Variants in PPFIA2 observed in about 807,000 individuals in gnomAD.
PPFIA2 encodes the protein liprin-alpha-2.
In PPFIA2, 46 loss-of-function variants were observed where a neutral mutation model predicts 175.5. The ratio of observed to expected loss-of-function variants is 0.26; its 90% confidence interval spans 0.21 to 0.34. The LOEUF (loss-of-function observed/expected upper bound fraction) is 0.34. PPFIA2 is among the 10% of genes least tolerant of loss of function. The probability of loss-of-function intolerance (pLI) is 1.00; values close to 1 mark genes in which losing one functional copy is unlikely to be tolerated. For synonymous variants in PPFIA2, 568 were observed against 511.4 expected (o/e 1.11, Z -1.49); for missense variants, 1,179 against 1,506.1 (o/e 0.78, Z 3.60).
intron 5 of PPFIA2, among the ~76,000 whole-genome samples, chr12:81,451,649 A>G (rs1287095556): frequency 6.6e-6 from 1 of 152,222 alleles, no homozygotes; most frequent in Non-Finnish European, 1.5e-5. Flanking sequence ...ATATGTTTTT[A>G]TTAATATAAA....
At chr12:81,579,020 G>T (rs1027128262) in intron 4 of PPFIA2, among the ~76,000 whole-genome samples, 2 of 151,664 alleles carry the variant, frequency 1.3e-5, no homozygotes, top group Non-Finnish European at 3.0e-5. Flanking sequence ...GAATAAGATT[G>T]CCAATTTTCT....
At chr12:81,448,840 C>T (rs1004210605) in intron 5 of PPFIA2, among the ~76,000 whole-genome samples, 9 of 152,166 alleles carry the variant, frequency 5.9e-5, no homozygotes, top group Non-Finnish European at 1.2e-4. Flanking sequence ...TGGTTACCTA[C>T]AACATTGGAT....
chr12:81,433,440 G>A (rs965084526), intron 7 of PPFIA2, among the ~76,000 whole-genome samples: 3 of 152,098 alleles, frequency 2.0e-5, no homozygotes, highest in Admixed American at 6.6e-5. Context: ...TTAGTTATAC[G>A]TGTATACGTC....
chr12:81,398,190 A>G (rs1408405226), intron 8 of PPFIA2, among the ~76,000 whole-genome samples: 1 of 152,086 alleles, frequency 6.6e-6, no homozygotes, highest in African/African-American at 2.4e-5. Context: ...TTTGGGGACC[A>G]TTGGAGTAGA....
At chr12:81,443,491 A>G (rs2050612674) in intron 6 of PPFIA2, among the ~76,000 whole-genome samples, 1 of 151,014 alleles carries the variant, frequency 6.6e-6, no homozygotes, top group Non-Finnish European at 1.5e-5. Context: ...CTGAACTTCT[A>G]TAAAGTAAAT....
At chr12:81,495,306 T>A (rs1159242325) in intron 4 of PPFIA2, among the ~76,000 whole-genome samples, 1 of 152,108 alleles carries the variant, frequency 6.6e-6, no homozygotes, top group Non-Finnish European at 1.5e-5. Context: ...AATTGAATCA[T>A]AACATTTTTG....
intron 24 of PPFIA2, among the ~76,000 whole-genome samples, chr12:81,291,902 T>A (rs148174523): frequency 1.3e-5 from 2 of 152,222 alleles, no homozygotes; most frequent in African/African-American, 2.4e-5. Flanking sequence ...CTGAAAGTAG[T>A]TCCTGACCTG....
intron 32 of PPFIA2, 90 bp from the exon 33 acceptor site, chr12:81,259,750 C>G: frequency 9.5e-7 from 1 of 1,047,650 alleles, no homozygotes; most frequent in East Asian, 2.6e-5. Context: ...CTCCACGCAG[C>G]CTGCTTACTC....
intron 3 of PPFIA2, among the ~76,000 whole-genome samples, chr12:81,700,301 T>C (rs1335799114): frequency 6.6e-6 from 1 of 152,078 alleles, no homozygotes; most frequent in African/African-American, 2.4e-5. Context: ...ATAAAATATG[T>C]AAATGAAAAT....
rs1284435893 is a variant in PPFIA2 at position 81,656,563 on chromosome 12, A to T, written c.303+20228T>A. The stretch of plus-strand genomic sequence containing the variant: ...AAGGAGTTGTCAATAGAAGAAAAAT[A>T]GTCATTCATGTAGATTAGCCATTGT... On this transcript the variant is annotated intron_variant, in intron 4 of 32. Transcript: ENST00000549396. Among the ~76,000 whole-genome samples, 3 of 152,256 alleles carry T rather than the reference A, an allele frequency of 2.0e-5. No individual in the cohort carries two copies. The East Asian group carries it at 5.8e-4, about 29-fold the overall frequency.
In PPFIA2 at chr12:81,274,761, C is replaced by G. The variant is rs117368594; in HGVS notation, c.3310+2556G>C. On this transcript the variant is annotated intron_variant, in intron 28 of 32. Transcript: ENST00000549396. ...TTCACACTTCAGATAATAAGAGACC[C>G]CTAGTCACTGTTGAGAATTATTCCT... is the stretch of plus-strand genomic sequence containing the variant. Among the ~76,000 whole-genome samples the G allele has an allele frequency of 3.2e-3, 487 of 152,234 alleles. 3 individuals carry two copies. The highest frequency in any genetic ancestry group is 5.7e-3 in the Non-Finnish European group (387 of 68,018).
chr12:81,601,891 T>C (rs1567529393), intron 4 of PPFIA2, among the ~76,000 whole-genome samples: 2 of 151,908 alleles, frequency 1.3e-5, no homozygotes, highest in Non-Finnish European at 2.9e-5. Flanking sequence ...ATAAAGATGA[T>C]CTAGCAATTT....
intron 4 of PPFIA2, among the ~76,000 whole-genome samples, chr12:81,533,936 G>T (rs908981211): frequency 4.6e-5 from 7 of 151,050 alleles, no homozygotes; most frequent in African/African-American, 1.7e-4. Context: ...ATAAAAAAAC[G>T]AATGGGTAAA....
chr12:81,337,862 G>A lies in PPFIA2; in HGVS notation c.2548+1318C>T, dbSNP rs186280550. Among the ~76,000 whole-genome samples the A allele has an allele frequency of 9.3e-3, 1,415 of 152,196 alleles. 14 individuals carry two copies. Among genetic ancestry groups the A allele is most frequent in the Non-Finnish European group, 0.011 (775 of 67,986 alleles). ...AAGATAAAACAAATTTTAAAATAAT[G>A]TCTGGCATGTATATTTTAAACACAA... On this transcript the variant is annotated intron_variant, in intron 21 of 32. Coordinates refer to ENST00000549396, the MANE Select transcript of PPFIA2 (RefSeq NM_003625.5).
chr12:81,485,623 T>C (rs2058726345), intron 4 of PPFIA2, among the ~76,000 whole-genome samples: 1 of 151,858 alleles, frequency 6.6e-6, no homozygotes, highest in African/African-American at 2.4e-5. Flanking sequence ...CACAAATGAA[T>C]CACAAGTTCA....
intron 24 of PPFIA2, chr12:81,294,497 G>C (rs1390358810): frequency 1.1e-5 from 2 of 190,374 alleles, no homozygotes. Flanking sequence ...AAAGAAGGAA[G>C]GAAGGGAGGG....
At chr12:81,707,752 G>A (rs1287714362) in intron 3 of PPFIA2, among the ~76,000 whole-genome samples, 3 of 151,482 alleles carry the variant, frequency 2.0e-5, no homozygotes, top group Admixed American at 6.6e-5. Flanking sequence ...ATTCACAATA[G>A]CAAAGACTTG....
intron 4 of PPFIA2, among the ~76,000 whole-genome samples, chr12:81,479,823 C>T (rs889535737): frequency 7.9e-5 from 12 of 152,138 alleles, no homozygotes; most frequent in Non-Finnish European, 1.8e-4. Flanking sequence ...ACATTTTTCT[C>T]TGGCTGCCCT....
intron 19 of PPFIA2, among the ~76,000 whole-genome samples, chr12:81,343,205 T>C (rs571271255): frequency 5.9e-5 from 9 of 152,168 alleles, no homozygotes; most frequent in African/African-American, 1.7e-4. Flanking sequence ...ATACACAAGA[T>C]TTTTTTGGTT....
Sources: gnomAD v4.1 joint callset for allele counts (sites outside exome capture counted in the v4.1 genomes callset) on GRCh38, gnomAD v4.1.1 for gene constraint, MANE v1.5 for transcripts, NCBI Gene and HGNC (gene_info 2026-07-23, HGNC 2026-07-21) for gene names.